Variants in PLEC observed in about 807,000 individuals in gnomAD.
PLEC encodes the protein plectin.
In PLEC, 216 loss-of-function variants were observed where a neutral mutation model predicts 392.8. The ratio of observed to expected loss-of-function variants is 0.55; its 90% CI spans 0.49 to 0.62. The LOEUF is 0.62. PLEC is among the 20% of genes least tolerant of loss of function. The pLI is 0.00. For missense variants in PLEC, 6,863 were observed against 6,563.4 expected, an observed-to-expected ratio of 1.05 and a Z score of -1.58; for synonymous variants, 3,621 against 2,980.6, an observed-to-expected ratio of 1.21 and a Z score of -7.00.
Position 143,921,691 on chromosome 8 carries a change from C to G in PLEC, c.8130G>C (p.Leu2710=). Residue 2710 remains leucine, a synonymous_variant, in exon 32 of 32, where the codon CTG becomes CTC. Transcript: ENST00000345136. The part of the protein sequence containing the change: ...GLLLKATNEK[L]SVYAALQRQL... ...GCCTCTGCAGGGCGGCGTAAACACT[C>G]AGCTTCTCATTGGTGGCCTTCAGCA... The G allele has an allele frequency of 6.2e-7, 1 of 1,613,154 alleles. No individual in the cohort carries two copies. Among genetic ancestry groups the G allele is most frequent in the Admixed American group, 1.7e-5 (1 of 60,032 alleles).
At chr8:143,935,691 G>A (rs574247215) in intron 6 of PLEC, among the ~76,000 whole-genome samples, 157 bp downstream of exon 6, 6 of 152,256 alleles carry the variant, frequency 3.9e-5, no homozygotes, top group African/African-American at 1.4e-4. Context: ...CACCAGGGTG[G>A]GGCTGGGCCC....
intron 27 of PLEC, 24 bp downstream of exon 27, chr8:143,927,386 C>T (rs1825611758): frequency 6.2e-7 from 1 of 1,608,492 alleles, no homozygotes; most frequent in Admixed American, 1.7e-5. Context: ...CCCAGCCGCC[C>T]CGTCCCCACC....
Position 143,936,145 on chromosome 8 carries a change from G to A in PLEC, c.436-131C>T, listed in dbSNP as rs1554723183. ...GTGCATGGGGCCACCAAACCAGCCA[G>A]GGCAGCACCGGGCTCCAGGGCCCTT... On this transcript the variant is annotated intron_variant, in intron 5 of 31. Transcript: ENST00000345136. 3 of 940,496 alleles carry A rather than the reference G, an allele frequency of 3.2e-6. No individual in the cohort carries two copies. The African/African-American group carries it at 4.9e-5, about 15-fold the overall frequency. 58.3% of individuals were successfully genotyped at this position (940,496 alleles called of 1,614,324 possible). A position where few individuals can be genotyped will look rare whatever the true frequency, so the allele number is the denominator to read the frequency against.
Position 143,918,416 on chromosome 8 carries a change from G to C in PLEC, c.11405C>G (p.Ala3802Gly). Residue 3802 changes from alanine (A) to glycine (G), a missense_variant, in exon 32 of 32, where the codon GCC becomes GGC. Physicochemically the swap from Ala to Gly is moderately conservative, Grantham distance 60. Coordinates refer to ENST00000345136, the MANE Select transcript of PLEC (RefSeq NM_201384.3). ...CACGATGCCGCCGGTGGCCAGCTGG[G>C]CATCCAGCAGCCGCAGGGCCTCCTC... Reference protein sequence around the residue: ...PTEEALRLLDAQLATGGIVDP... With the variant: ...PTEEALRLLDGQLATGGIVDP... The C allele has an allele frequency of 6.4e-7, 1 of 1,572,358 alleles. No homozygotes were observed. Among genetic ancestry groups the C allele is most frequent in the Non-Finnish European group, 8.6e-7 (1 of 1,163,028 alleles).
Position 143,923,865 on chromosome 8 carries a change from G to A in PLEC, c.6064C>T (p.Arg2022Trp), listed in dbSNP as rs781936068. The A allele has an allele frequency of 3.5e-5, 56 of 1,592,552 alleles. No homozygotes were observed. The highest frequency in any genetic ancestry group is 6.7e-5 in the East Asian group (3 of 44,526). The change falls in exon 31 of 32, where the codon CGG becomes TGG. Residue 2022 changes from arginine to tryptophan, a missense_variant. Transcript: ENST00000345136. ...TGCTCCGCTCGCTCCCGCAGGCGCC[G>A]CGCCTCCTCCACCTTGGCTTTCAGC... ...ERLKAKVEEA[R>W]RLRERAEQES...
chr8:143,930,082 G>T lies in PLEC; in HGVS notation c.2613-20C>A, dbSNP rs1587023165. On this transcript the variant is annotated intron_variant, in intron 21 of 31. Transcript: ENST00000345136. ...TCCAGCCTGGCAGGTCAGGGCTACA[G>T]TCAGCGTCACCAGCGCCCCACCCGC... 6.2e-7 allele frequency: 1 copy of T among 1,607,618 alleles called. No individual in the cohort carries two copies. Among genetic ancestry groups the T allele is most frequent in the East Asian group, 2.2e-5 (1 of 44,856 alleles).
rs377752228 is a variant in PLEC, at chr8:143,921,997, C to T, written c.7824G>A (p.Ala2608=). ...LQLLEEQHRA[A]LAHSEEVTAS... Reference sequence around the variant, plus strand: ...CAGTGACCTCCTCTGAGTGCGCCAGCGCGGCCCGGTGCTGCTCCTCCAGGA... The same window carrying T: ...CAGTGACCTCCTCTGAGTGCGCCAGTGCGGCCCGGTGCTGCTCCTCCAGGA... The change falls in exon 32 of 32, where the codon GCG becomes GCA. Residue 2608 remains alanine, a synonymous_variant. Coordinates refer to ENST00000345136, the MANE Select transcript of PLEC (RefSeq NM_201384.3). 2.6e-5 allele frequency: 42 copies of T among 1,598,270 alleles called. No homozygotes were observed. The highest frequency in any genetic ancestry group is 6.6e-5 in the South Asian group (6 of 90,986).
intron 1 of PLEC, chr8:143,946,262 CG>C: frequency 9.9e-7 from 1 of 1,006,398 alleles, no homozygotes; most frequent in Non-Finnish European, 1.4e-6. Context: ...CGGCACAGAA[CG>C]GTGGACAACG....
upstream of PLEC, among the ~76,000 whole-genome samples, chr8:143,953,339 A>C (rs1832391113): frequency 8.5e-6 from 1 of 118,078 alleles, no homozygotes; most frequent in African/African-American, 3.3e-5. Flanking sequence ...GTGGTCCCCC[A>C]GCCCTGCCCT....
At position 143,916,682 on chromosome 8, in the gene PLEC, T is replaced by C; in HGVS notation, c.13139A>G (p.Tyr4380Cys). 2 of 1,612,096 alleles carry C rather than the reference T, an allele frequency of 1.2e-6. No homozygotes were observed. The highest frequency in any genetic ancestry group is 1.7e-6 in the Non-Finnish European group (2 of 1,179,504). Residue 4380 changes from tyrosine (Y) to cysteine (C), a missense_variant, in exon 32 of 32, where the codon TAC (tyrosine) becomes TGC (cysteine). Transcript: ENST00000345136. ...CAGGAAGCGCTGGCCGGCCTCGTAG[T>C]AGAGCCAGCCCTTCTTCAGGGCCTG... is the stretch of plus-strand genomic sequence containing the variant. ...AAQALKKGWL[Y>C]YEAGQRFLEV... is the part of the protein sequence containing the mutation.
At chr8:143,962,910 T>G (rs2132882029) in intron 1 of PLEC, among the ~76,000 whole-genome samples, 1 of 152,352 alleles carries the variant, frequency 6.6e-6, no homozygotes, top group East Asian at 1.9e-4. Context: ...TTGGGATATC[T>G]GCAGCCTATT....
upstream of PLEC, chr8:143,975,446 C>G: frequency 7.5e-7 from 1 of 1,338,420 alleles, no homozygotes; most frequent in South Asian, 1.2e-5. The surrounding 1 kb of genome is among the most constrained non-coding windows in gnomAD (Gnocchi z 9.9). Flanking sequence ...ACCCACCCAC[C>G]ACCTTCTTAA....
At chr8:143,967,255 C>T (rs566234250) in intron 1 of PLEC, among the ~76,000 whole-genome samples, 2 of 149,018 alleles carry the variant, frequency 1.3e-5, no homozygotes, top group East Asian at 2.1e-4. Flanking sequence ...CCCAGCTACT[C>T]GGGAGCCTGA....
chr8:143,922,399 C>T lies in PLEC; in HGVS notation c.7426-4G>A. 1 of 1,601,398 alleles carries T rather than the reference C, an allele frequency of 6.2e-7. No homozygotes were observed. ...GCTCCTGCTGCACCGTCTGCATCTG[C>T]AGAAGAAGAGGGTGTGATCAGGGAC... On this transcript the variant is annotated splice_region_variant and splice_polypyrimidine_tract_variant and intron_variant, in intron 31 of 31. Coordinates refer to ENST00000345136, the MANE Select transcript of PLEC (RefSeq NM_201384.3).
rs550856659 is a variant in PLEC, at chr8:143,921,290, G to A, written c.8531C>T (p.Ala2844Val). Residue 2844 changes from alanine (A) to valine (V), a missense_variant, in exon 32 of 32, where the codon GCG (alanine) becomes GTG (valine). By Grantham distance (64) the Ala-to-Val change is moderately conservative. Transcript: ENST00000345136. ...GCCCTTGGTGTCGTCGCTGGGGTCC[G>A]CCAGGACGCGGTTCATCTCCTCGTC... is the stretch of plus-strand genomic sequence containing the variant. ...YFDEEMNRVL[A>V]DPSDDTKGFF... 1.2e-4 allele frequency: 197 copies of A among 1,614,020 alleles called. 2 individuals carry two copies. In the South Asian group the frequency reaches 1.4e-3, roughly 12 times the overall value.
chr8:143,922,599 C>T lies in PLEC; in HGVS notation c.7330G>A (p.Asp2444Asn). 6.2e-7 allele frequency: 1 copy of T among 1,613,700 alleles called. No homozygotes were observed. Among genetic ancestry groups the T allele is most frequent in the Non-Finnish European group, 8.5e-7 (1 of 1,179,992 alleles). Residue 2444 changes from aspartate to asparagine, a missense_variant, in exon 31 of 32, where the codon GAT becomes AAT. By Grantham distance (23) the Asp-to-Asn change is conservative. Coordinates refer to ENST00000345136, the MANE Select transcript of PLEC (RefSeq NM_201384.3). Reference sequence around the variant, plus strand: ...ATGGCCTCCCGCAGGCGCTCGGCATCATGGTCACTCTGCTGTCGCTGGATC... The same window carrying T: ...ATGGCCTCCCGCAGGCGCTCGGCATTATGGTCACTCTGCTGTCGCTGGATC... The part of the protein sequence containing the change: ...LEIQRQQSDH[D>N]AERLREAIAE...
chr8:143,930,350 C>T (rs782328906), intron 20 of PLEC, 34 bp downstream of exon 20: 1 of 1,581,286 alleles, frequency 6.3e-7, no homozygotes, highest in Non-Finnish European at 8.6e-7. Context: ...CCTGCCTGGC[C>T]ACGCCCCCCA....
chr8:143,953,845 G>C (rs1832437799), upstream of PLEC: 2 of 1,591,166 alleles, frequency 1.3e-6, no homozygotes, highest in African/African-American at 1.4e-5. Context: ...GCCCAGGCCA[G>C]CGCCGCAGCC....
intron 25 of PLEC, among the ~76,000 whole-genome samples, chr8:143,928,708 A>G (rs532312073): frequency 6.6e-6 from 1 of 152,304 alleles, no homozygotes; most frequent in East Asian, 1.9e-4. Context: ...AGACTATGAC[A>G]TAACACATTG....
Sources: allele counts gnomAD v4.1 joint callset (sites outside exome capture counted in the v4.1 genomes callset), GRCh38; gene constraint gnomAD v4.1.1; non-coding constraint Gnocchi (gnomAD v3.1); transcripts MANE v1.5; gene names NCBI Gene and HGNC (gene_info 2026-07-23, HGNC 2026-07-21).